Variants in TCERG1L observed in about 807,000 individuals in gnomAD.
TCERG1L encodes transcription elongation regulator 1 like.
In TCERG1L, 37 loss-of-function variants were observed where a neutral mutation model predicts 56.3. That is an observed-to-expected ratio of 0.66 (90% CI 0.51 to 0.87). TCERG1L has a LOEUF of 0.87. TCERG1L is among the 40% of genes least tolerant of loss of function. The pLI is 0.00. For missense variants in TCERG1L, 799 were observed against 774.2 expected (o/e 1.03, Z -0.38); for synonymous variants, 324 against 326.3 (o/e 0.99, Z 0.08).
chr10:131,213,127 G>A (rs1021607930), intron 4 of TCERG1L, among the ~76,000 whole-genome samples: 1 of 152,244 alleles, frequency 6.6e-6, no homozygotes, highest in Admixed American at 6.5e-5. Context: ...ACCCAGGGCT[G>A]AGGACTGGCT....
intron 4 of TCERG1L, among the ~76,000 whole-genome samples, chr10:131,226,272 T>A (rs978247536): frequency 6.6e-6 from 1 of 152,128 alleles, no homozygotes; most frequent in African/African-American, 2.4e-5. Flanking sequence ...AGACGAAGTG[T>A]CACTAGGTTG....
rs751858553 is a variant in TCERG1L, at chr10:131,098,331, G to C, written c.1579C>G (p.Leu527Val). 3 of 1,552,610 alleles carry C rather than the reference G, an allele frequency of 1.9e-6. No individual in the cohort carries two copies. The highest frequency in any genetic ancestry group is 4.8e-5 in the East Asian group (2 of 41,490). ...LLAKEEFKKLLEESKVSPRTT... is the reference protein window; with the variant it reads ...LLAKEEFKKLVEESKVSPRTT... ...CTGGGAGACACTTTAGATTCCTCTA[G>C]AAGTTTCTTGAATTCTTCTTTGGCT... is the stretch of plus-strand genomic sequence containing the variant. The change falls in exon 11 of 12, where the codon CTA becomes GTA. Residue 527 changes from leucine to valine, a missense_variant. Coordinates refer to ENST00000368642, the MANE Select transcript of TCERG1L (RefSeq NM_174937.4).
intron 6 of TCERG1L, among the ~76,000 whole-genome samples, chr10:131,148,365 C>A (rs1370865928): frequency 2.1e-5 from 1 of 47,976 alleles, no homozygotes; most frequent in Non-Finnish European, 7.9e-5. Flanking sequence ...GACACACATG[C>A]ACACAGACAT....
chr10:131,156,921 G>A (rs1370008485), intron 6 of TCERG1L, among the ~76,000 whole-genome samples: 1 of 152,018 alleles, frequency 6.6e-6, no homozygotes, highest in Non-Finnish European at 1.5e-5. Flanking sequence ...TTTTTAACTC[G>A]GTGTGTTGTC....
intron 3 of TCERG1L, among the ~76,000 whole-genome samples, chr10:131,273,074 G>A (rs182724821): frequency 1.3e-4 from 20 of 152,244 alleles, no homozygotes; most frequent in Non-Finnish European, 2.4e-4. Context: ...GAGTGGGCCC[G>A]ACCTCACCCT....
intron 4 of TCERG1L, among the ~76,000 whole-genome samples, chr10:131,249,429 C>T (rs1047675842): frequency 3.3e-5 from 5 of 152,016 alleles, no homozygotes; most frequent in East Asian, 1.9e-4. Flanking sequence ...GCTACCCCAG[C>T]GTAGGGGCTT....
chr10:131,101,307 CCT>C (rs1381776233), intron 10 of TCERG1L, among the ~76,000 whole-genome samples: 1 of 152,202 alleles, frequency 6.6e-6, no homozygotes. Context: ...AGACTGGGCC[CCT>C]GTGTTCCCAG....
chr10:131,147,233 A>G (rs1043113515), intron 6 of TCERG1L, among the ~76,000 whole-genome samples: 2 of 152,236 alleles, frequency 1.3e-5, no homozygotes, highest in Non-Finnish European at 2.9e-5. Flanking sequence ...ATTTTCATTT[A>G]TGGAAACTGA....
At chr10:131,093,384 C>G in intron 11 of TCERG1L, 66 bp from the exon 12 acceptor site, 3 of 1,569,588 alleles carry the variant, frequency 1.9e-6, no homozygotes, top group Non-Finnish European at 2.6e-6. Flanking sequence ...AGAGATCCTG[C>G]AGCGGCACCG....
At chr10:131,211,516 G>A (rs1845619549) in intron 4 of TCERG1L, among the ~76,000 whole-genome samples, 2 of 152,208 alleles carry the variant, frequency 1.3e-5, no homozygotes, top group African/African-American at 2.4e-5. Context: ...TAATGTCCCA[G>A]GATGCAGTGA....
intron 2 of TCERG1L, 116 bp downstream of exon 2, chr10:131,309,037 C>G: frequency 8.3e-7 from 1 of 1,208,876 alleles, no homozygotes; most frequent in Non-Finnish European, 1.1e-6. Flanking sequence ...ATTTCTATAC[C>G]TAGATGGCCA....
At chr10:131,117,423 C>A (rs1218109300) in intron 8 of TCERG1L, among the ~76,000 whole-genome samples, 3 of 152,240 alleles carry the variant, frequency 2.0e-5, no homozygotes, top group Admixed American at 6.5e-5. Flanking sequence ...ATGTGCAGAA[C>A]CATCTATGTC....
At chr10:131,291,014 G>T (rs1846614909) in intron 3 of TCERG1L, among the ~76,000 whole-genome samples, 1 of 152,188 alleles carries the variant, frequency 6.6e-6, no homozygotes. Context: ...TGTGAATGCT[G>T]AGTAAAGAGG....
chr10:131,273,549 G>C (rs764169630), intron 3 of TCERG1L, among the ~76,000 whole-genome samples: 9 of 152,260 alleles, frequency 5.9e-5, no homozygotes, highest in Non-Finnish European at 1.3e-4. Flanking sequence ...AAACGCAGTG[G>C]TGGGGGCTGA....
intron 3 of TCERG1L, among the ~76,000 whole-genome samples, chr10:131,261,359 A>G (rs1218758450): frequency 6.6e-6 from 1 of 152,192 alleles, no homozygotes; most frequent in Non-Finnish European, 1.5e-5. Flanking sequence ...ACCTTGATAT[A>G]ATTCACTACT....
intron 6 of TCERG1L, among the ~76,000 whole-genome samples, chr10:131,159,038 A>G (rs1378994259): frequency 6.6e-6 from 1 of 151,930 alleles, no homozygotes; most frequent in Non-Finnish European, 1.5e-5. Context: ...GCAGCCCCGA[A>G]CCCCGAGCAC....
At chr10:131,290,827 T>C (rs988435916) in intron 3 of TCERG1L, among the ~76,000 whole-genome samples, 2 of 152,164 alleles carry the variant, frequency 1.3e-5, no homozygotes, top group Non-Finnish European at 2.9e-5. Context: ...ATGAATAATG[T>C]CGCGCACTAC....
At chr10:131,238,864 C>T (rs1416893490) in intron 4 of TCERG1L, among the ~76,000 whole-genome samples, 2 of 152,170 alleles carry the variant, frequency 1.3e-5, no homozygotes, top group East Asian at 3.9e-4. Flanking sequence ...AAAGGTACAC[C>T]GTGCAGAGGG....
In TCERG1L at chr10:131,309,277, G is replaced by C. The variant is rs745908436; in HGVS notation, c.365C>G (p.Pro122Arg). 4.4e-6 allele frequency: 7 copies of C among 1,596,656 alleles called. No homozygotes were observed. Among genetic ancestry groups the C allele is most frequent in the Non-Finnish European group, 2.6e-6 (3 of 1,173,744 alleles). Reference sequence around the variant, plus strand: ...GGAAGAGGGGGGCAGTCCTAGGGACGGAGAATGGCCACCAAACAGCCACTG... The same window carrying C: ...GGAAGAGGGGGGCAGTCCTAGGGACCGAGAATGGCCACCAAACAGCCACTG... ...HGQWLFGGHS[P>R]SLGLPPSSTV... Residue 122 changes from proline to arginine, a missense_variant, in exon 2 of 12, where the codon CCG becomes CGG. Coordinates refer to ENST00000368642, the MANE Select transcript of TCERG1L (RefSeq NM_174937.4).
Sources: allele counts gnomAD v4.1 joint callset (sites outside exome capture counted in the v4.1 genomes callset), GRCh38; gene constraint gnomAD v4.1.1; transcripts MANE v1.5; gene names NCBI Gene and HGNC (gene_info 2026-07-23, HGNC 2026-07-21).